GLRA2: variants seen among roughly 807,000 people sequenced by gnomAD.
GLRA2 encodes the protein glycine receptor subunit alpha-2.
GLRA2 carries 11 observed loss-of-function variants against 31.6 expected under a neutral mutation model. The ratio of observed to expected loss-of-function variants is 0.35; its 90% CI spans 0.22 to 0.58. The LOEUF (loss-of-function observed/expected upper bound fraction) is 0.58, where lower values mean the gene tolerates loss of function less well. GLRA2 is among the 20% of genes least tolerant of loss of function. The probability of loss-of-function intolerance (pLI) is 0.84; values close to 1 mark genes in which losing one functional copy is unlikely to be tolerated. For synonymous variants in GLRA2, 132 were observed against 134.0 expected (o/e 0.99, Z 0.10); for missense variants, 212 against 351.8 (o/e 0.60, Z 3.18).
intron 2 of GLRA2, among the ~76,000 whole-genome samples, chrX:14,567,007 G>A (rs757206902): frequency 9.0e-6 from 1 of 110,621 alleles, no homozygotes; most frequent in Non-Finnish European, 1.9e-5. Flanking sequence ...TCACGTTGTG[G>A]TTGCGTCATT....
At chrX:14,493,379 A>G in the GLRA2 span, among the ~76,000 whole-genome samples, 2 of 108,903 alleles carry the variant, frequency 1.8e-5, no homozygotes. Context: ...ATGAACCTCA[A>G]ATACTTATGT....
chrX:14,697,154 T>TA (rs753519821), intron 8 of GLRA2, among the ~76,000 whole-genome samples: 27 of 111,565 alleles, frequency 2.4e-4, no homozygotes, highest in South Asian at 1.9e-3. Flanking sequence ...CAGGTACTCT[T>TA]CTAGATACTT....
chrX:14,558,759 C>T (rs2089684803), intron 2 of GLRA2, among the ~76,000 whole-genome samples: 1 of 111,445 alleles, frequency 9.0e-6, no homozygotes, highest in Admixed American at 9.6e-5. Flanking sequence ...GAAGGACTCA[C>T]AGAAGATGCT....
chrX:14,608,630 A>G (rs914296119), intron 6 of GLRA2, among the ~76,000 whole-genome samples: 3 of 110,361 alleles, frequency 2.7e-5, no homozygotes, highest in Non-Finnish European at 5.7e-5. Context: ...CCAAAATTTG[A>G]ATATTTTATT....
At chrX:14,458,650 G>T in the GLRA2 span, among the ~76,000 whole-genome samples, 3 of 112,377 alleles carry the variant, frequency 2.7e-5, no homozygotes, top group East Asian at 2.8e-4. Context: ...TCATCTGTCT[G>T]TGGGCTGCAT....
chrX:14,452,647 T>C, the GLRA2 span, among the ~76,000 whole-genome samples: 2,722 of 112,165 alleles, frequency 0.024, 103 homozygotes, highest in African/African-American at 0.084. Context: ...GAAGAGATAG[T>C]ACTTGATCTG....
the GLRA2 span, among the ~76,000 whole-genome samples, chrX:14,517,543 C>T: frequency 9.0e-6 from 1 of 111,690 alleles, no homozygotes; most frequent in Non-Finnish European, 1.9e-5. Context: ...ATAAAACCAT[C>T]AGATCTTGTG....
intron 4 of GLRA2, among the ~76,000 whole-genome samples, chrX:14,595,789 T>C (rs1299104458): frequency 8.9e-6 from 1 of 111,831 alleles, no homozygotes. Flanking sequence ...GTGTGTCTGA[T>C]TCACATCATC....
At chrX:14,473,671 A>G in the GLRA2 span, among the ~76,000 whole-genome samples, 2 of 111,285 alleles carry the variant, frequency 1.8e-5, no homozygotes, top group African/African-American at 6.5e-5. Flanking sequence ...CTTTCATTCA[A>G]TATTTGTTGG....
chrX:14,730,310 A>G lies in GLRA2; in HGVS notation c.1184A>G (p.Asn395Ser). 2.5e-6 allele frequency: 3 copies of G among 1,210,438 alleles called. No homozygotes were observed. The highest frequency in any genetic ancestry group is 3.4e-6 in the Non-Finnish European group (3 of 894,608). ...DGTAVKATPA[N>S]PLPQPPKDGD... ...ACAGCTGTCAAGGCCACACCTGCCAACCCACTCCCACAACCGCCAAAAGAT... is the reference window on the plus strand; with the variant it reads ...ACAGCTGTCAAGGCCACACCTGCCAGCCCACTCCCACAACCGCCAAAAGAT... The change falls in exon 9 of 9, where the codon AAC becomes AGC. Residue 395 changes from asparagine to serine, a missense_variant. Transcript: ENST00000218075.
chrX:14,630,497 A>C (rs979216152), intron 7 of GLRA2, among the ~76,000 whole-genome samples: 2 of 111,761 alleles, frequency 1.8e-5, no homozygotes, highest in African/African-American at 6.5e-5. Flanking sequence ...GTTTTCATCA[A>C]ATTTGGAAAA....
chrX:14,493,691 ACG>A, the GLRA2 span, among the ~76,000 whole-genome samples: 2 of 96,078 alleles, frequency 2.1e-5, no homozygotes, highest in African/African-American at 8.3e-5. Context: ...ATACATATAC[ACG>A]TATATATGTA....
intron 4 of GLRA2, among the ~76,000 whole-genome samples, chrX:14,582,254 C>A (rs1291783116): frequency 1.1e-5 from 1 of 88,250 alleles, no homozygotes; most frequent in African/African-American, 4.5e-5. Flanking sequence ...GTGTGATGTT[C>A]CCCTTCCTGT....
the GLRA2 span, among the ~76,000 whole-genome samples, chrX:14,466,650 A>T: frequency 6.3e-5 from 7 of 111,783 alleles, no homozygotes; most frequent in African/African-American, 2.0e-4. Context: ...TACTGCTAAG[A>T]TACAGCACTT....
intron 7 of GLRA2, among the ~76,000 whole-genome samples, chrX:14,641,906 T>C (rs925272419): frequency 2.7e-5 from 3 of 112,212 alleles, no homozygotes; most frequent in African/African-American, 9.7e-5. Flanking sequence ...GCTCTGTTGG[T>C]ATATGAGTTA....
At chrX:14,708,353 CCTT>C in intron 8 of GLRA2, among the ~76,000 whole-genome samples, 1 of 111,740 alleles carries the variant, frequency 8.9e-6, no homozygotes, top group South Asian at 3.8e-4. Context: ...CAGGCTTAAA[CCTT>C]CTCACATACC....
chrX:14,694,423 A>T (rs1442943048), intron 8 of GLRA2, among the ~76,000 whole-genome samples: 1 of 112,221 alleles, frequency 8.9e-6, no homozygotes, highest in Non-Finnish European at 1.9e-5. Flanking sequence ...GTAGAAAATG[A>T]GGTTGAAAAA....
the GLRA2 span, among the ~76,000 whole-genome samples, chrX:14,450,452 G>T: frequency 9.0e-6 from 1 of 111,433 alleles, no homozygotes; most frequent in East Asian, 2.8e-4. Flanking sequence ...CTCTGCCTAG[G>T]CCCAGGAATA....
At chrX:14,608,959 C>A in intron 6 of GLRA2, 32 bp from the exon 7 acceptor site, 1 of 658,753 alleles carries the variant, frequency 1.5e-6, no homozygotes, top group Non-Finnish European at 2.5e-6. Context: ...TAAATTCAGG[C>A]TGGACTTTAA....
Sources: allele counts gnomAD v4.1 joint callset (sites outside exome capture counted in the v4.1 genomes callset), GRCh38; gene constraint gnomAD v4.1.1; transcripts MANE v1.5; gene names NCBI Gene and HGNC (gene_info 2026-07-23, HGNC 2026-07-21).